DMXL1: variants seen among roughly 807,000 people sequenced by gnomAD.
DMXL1 encodes Dmx like 1, also known as dmX-like protein 1.
DMXL1 carries 99 observed loss-of-function variants against 319.2 expected under a neutral mutation model. The observed-to-expected ratio is 0.31, with a 90% CI of 0.26 to 0.37. The LOEUF (loss-of-function observed/expected upper bound fraction) is 0.37, where lower values mean the gene tolerates loss of function less well. DMXL1 is among the 10% of genes least tolerant of loss of function. The pLI is 1.00. For missense variants in DMXL1, 3,745 were observed against 3,595.6 expected, an observed-to-expected ratio of 1.04 and a Z score of -1.06; for synonymous variants, 1,385 against 1,235.2, an observed-to-expected ratio of 1.12 and a Z score of -2.54.
In DMXL1 at chr5:119,149,482, T is replaced by C; in HGVS notation, c.3655T>C (p.Leu1219=). Reference sequence around the variant, plus strand: ...TGGCTCCCCACCTTTTCCTGTTTCTTTATCGTGGGTCCGGGATGGCATCCT... The same window carrying C: ...TGGCTCCCCACCTTTTCCTGTTTCTCTATCGTGGGTCCGGGATGGCATCCT... ...VDGSPPFPVS[L]SWVRDGILVV... The change falls in exon 18 of 44, where the codon TTA becomes CTA. Residue 1219 remains leucine, a synonymous_variant. Coordinates refer to ENST00000539542, the MANE Select transcript of DMXL1 (RefSeq NM_001290321.3). 1 of 1,613,984 alleles carries C rather than the reference T, an allele frequency of 6.2e-7. No homozygotes were observed. The highest frequency in any genetic ancestry group is 1.1e-5 in the South Asian group (1 of 91,084).
At chr5:119,136,399 C>T (rs1289337250) in intron 13 of DMXL1, among the ~76,000 whole-genome samples, 1 of 152,234 alleles carries the variant, frequency 6.6e-6, no homozygotes, top group Non-Finnish European at 1.5e-5. Context: ...AATATGCAGC[C>T]TGACCATGTG....
At chr5:119,226,069 A>C (rs752534064) in intron 38 of DMXL1, among the ~76,000 whole-genome samples, 1 of 152,078 alleles carries the variant, frequency 6.6e-6, no homozygotes, top group Non-Finnish European at 1.5e-5. Context: ...TAAATATCCT[A>C]TACCTTAATC....
At chr5:119,217,474 A>G (rs1295246499) in intron 35 of DMXL1, among the ~76,000 whole-genome samples, 1 of 152,130 alleles carries the variant, frequency 6.6e-6, no homozygotes, top group East Asian at 1.9e-4. Flanking sequence ...CACTCCTCAC[A>G]GAAGAGGTGG....
At chr5:119,083,914 C>G (rs545812471) in intron 1 of DMXL1, among the ~76,000 whole-genome samples, 1 of 152,250 alleles carries the variant, frequency 6.6e-6, no homozygotes, top group South Asian at 2.1e-4. Flanking sequence ...CAACACAGTA[C>G]CAGGGTTCTC....
intron 39 of DMXL1, among the ~76,000 whole-genome samples, chr5:119,233,808 A>G (rs1441646076): frequency 6.6e-6 from 1 of 152,132 alleles, no homozygotes; most frequent in Non-Finnish European, 1.5e-5. Context: ...TCTAGAGCTT[A>G]TTATAAATGC....
intron 6 of DMXL1, among the ~76,000 whole-genome samples, chr5:119,114,871 T>C (rs1056137875): frequency 2.6e-5 from 4 of 152,170 alleles, no homozygotes; most frequent in African/African-American, 9.7e-5. Flanking sequence ...GATTTCACCA[T>C]ATTGGCCAGG....
chr5:119,141,927 A>G (rs866520197), intron 13 of DMXL1, among the ~76,000 whole-genome samples: 6 of 151,784 alleles, frequency 4.0e-5, no homozygotes, highest in African/African-American at 4.9e-5. Flanking sequence ...ACATTGACCA[A>G]TGGAACACAA....
intron 16 of DMXL1, 27 bp from the exon 17 acceptor site, chr5:119,147,219 AGTT>A: frequency 6.3e-7 from 1 of 1,578,260 alleles, no homozygotes; most frequent in Non-Finnish European, 8.7e-7. Context: ...CCCCTGCCTC[AGTT>A]TTTGGTTCTT....
At chr5:119,191,135 G>A (rs1382093678) in intron 29 of DMXL1, among the ~76,000 whole-genome samples, 1 of 152,140 alleles carries the variant, frequency 6.6e-6, no homozygotes, top group Non-Finnish European at 1.5e-5. Flanking sequence ...CAAAACATTT[G>A]TAACTTTTCC....
intron 43 of DMXL1, among the ~76,000 whole-genome samples, chr5:119,246,731 C>T (rs1274032913): frequency 3.3e-5 from 5 of 149,500 alleles, no homozygotes; most frequent in East Asian, 2.0e-4. Flanking sequence ...CCTCCCGGGT[C>T]GAAGCAGTTC....
intron 28 of DMXL1, among the ~76,000 whole-genome samples, chr5:119,184,646 C>T (rs1777374750): frequency 6.6e-6 from 1 of 152,168 alleles, no homozygotes; most frequent in Non-Finnish European, 1.5e-5. Flanking sequence ...ACAATTCCCC[C>T]ACTTCATACA....
At chr5:119,099,694 A>C (rs1001294080) in intron 2 of DMXL1, among the ~76,000 whole-genome samples, 2 of 152,202 alleles carry the variant, frequency 1.3e-5, no homozygotes, top group Non-Finnish European at 2.9e-5. Flanking sequence ...ACTATATGAC[A>C]GTCCAGGTTA....
intron 19 of DMXL1, among the ~76,000 whole-genome samples, chr5:119,160,138 G>C (rs890897085): frequency 6.7e-6 from 1 of 149,368 alleles, no homozygotes; most frequent in Non-Finnish European, 1.5e-5. Context: ...ATTTGACAGA[G>C]ATATATATAT....
intron 28 of DMXL1, among the ~76,000 whole-genome samples, chr5:119,183,273 T>C (rs1453483390): frequency 6.6e-6 from 1 of 152,204 alleles, no homozygotes; most frequent in Non-Finnish European, 1.5e-5. Flanking sequence ...CACATGTCAT[T>C]GCTAACATTC....
intron 9 of DMXL1, among the ~76,000 whole-genome samples, chr5:119,125,214 C>T (rs937680296): frequency 6.6e-6 from 1 of 152,096 alleles, no homozygotes; most frequent in African/African-American, 2.4e-5. Flanking sequence ...TAGCTAAATA[C>T]AGAATGGTGA....
intron 17 of DMXL1, among the ~76,000 whole-genome samples, chr5:119,147,752 A>G (rs1180378551): frequency 2.6e-5 from 4 of 152,136 alleles, no homozygotes; most frequent in Non-Finnish European, 4.4e-5. Flanking sequence ...ATGGTAACTA[A>G]GTTGTACTTT....
chr5:119,176,440 C>G (rs1038784329), intron 26 of DMXL1, among the ~76,000 whole-genome samples: 2 of 152,010 alleles, frequency 1.3e-5, no homozygotes, highest in Non-Finnish European at 2.9e-5. Context: ...TAACCCTCAT[C>G]CTTCAAGAAT....
At chr5:119,158,372 C>T (rs1001686475) in intron 19 of DMXL1, among the ~76,000 whole-genome samples, 6 of 152,056 alleles carry the variant, frequency 3.9e-5, no homozygotes, top group Non-Finnish European at 8.8e-5. Context: ...CTAACTGTTT[C>T]TTTGGTGGAG....
chr5:119,196,652 A>T (rs186103420), intron 31 of DMXL1, among the ~76,000 whole-genome samples, 196 bp downstream of exon 31: 1 of 152,114 alleles, frequency 6.6e-6, no homozygotes, highest in East Asian at 1.9e-4. Flanking sequence ...GGATGGCAAC[A>T]TCCAAGAAAT....
Sources: allele counts gnomAD v4.1 joint callset (sites outside exome capture counted in the v4.1 genomes callset), GRCh38; gene constraint gnomAD v4.1.1; transcripts MANE v1.5; gene names NCBI Gene and HGNC (gene_info 2026-07-23, HGNC 2026-07-21).